ZBTB11: variants seen among roughly 807,000 people sequenced by gnomAD.
ZBTB11 encodes zinc finger and BTB domain-containing protein 11.
ZBTB11 carries 68 observed loss-of-function variants against 113.1 expected under a neutral mutation model. The observed-to-expected ratio is 0.60, with a 90% CI of 0.49 to 0.74. The LOEUF (loss-of-function observed/expected upper bound fraction) is 0.74. ZBTB11 is among the 30% of genes least tolerant of loss of function. ZBTB11 has a pLI of 0.00. For missense variants in ZBTB11, 1,104 were observed against 1,279.4 expected (o/e 0.86, Z 2.09); for synonymous variants, 518 against 452.6 (o/e 1.14, Z -1.83).
intron 6 of ZBTB11, among the ~76,000 whole-genome samples, chr3:101,658,474 G>A (rs979459058): frequency 1.3e-4 from 20 of 151,834 alleles, no homozygotes; most frequent in African/African-American, 4.1e-4. Flanking sequence ...CGCCTGCCTC[G>A]GCCTCCCAAA....
Position 101,659,963 on chromosome 3 carries a change from T to C in ZBTB11, c.1866A>G (p.Lys622=). The change falls in exon 6 of 11, where the codon AAA becomes AAG. Residue 622 remains lysine (K), a synonymous_variant. Transcript: ENST00000312938. ...TGGACGAGGATGAAGAGGGTGCATC[T>C]TTTCTGGTATGACGAATAAGATGTG... is the stretch of plus-strand genomic sequence containing the variant. The part of the protein sequence containing the change: ...LRAHLIRHTR[K]DAPSSSSSNS... 1 of 1,614,236 alleles carries C rather than the reference T, an allele frequency of 6.2e-7. No homozygotes were observed. The highest frequency in any genetic ancestry group is 8.5e-7 in the Non-Finnish European group (1 of 1,180,042).
intron 7 of ZBTB11, 55 bp from the exon 8 acceptor site, chr3:101,654,876 C>A: frequency 4.7e-6 from 7 of 1,487,522 alleles, no homozygotes; most frequent in South Asian, 1.2e-5. Flanking sequence ...CCTCTTTTAA[C>A]AGAATTTTTT....
At chr3:101,660,095 A>G in intron 5 of ZBTB11, 67 bp from the exon 6 acceptor site, 1 of 1,489,454 alleles carries the variant, frequency 6.7e-7, no homozygotes, top group South Asian at 1.2e-5. Flanking sequence ...AACTCAACTC[A>G]TATTTGGACT....
In ZBTB11 at chr3:101,650,422, T is replaced by G. The variant is rs946853588; in HGVS notation, c.*744A>C. On this transcript the variant is annotated 3_prime_UTR_variant, in exon 11 of 11. Coordinates refer to ENST00000312938, the MANE Select transcript of ZBTB11 (RefSeq NM_014415.4). ...TAATAACTGTGTTCTTTTCTCATGG[T>G]CAATTTACTTGCCTTGAAGAAATAG... The G allele has an allele frequency of 6.6e-6, 1 of 152,638 alleles. No individual in the cohort carries two copies. Among genetic ancestry groups the G allele is most frequent in the African/African-American group, 2.4e-5 (1 of 41,462 alleles). The allele number at this position is 152,638 out of a possible 1,614,324, so 9.5% of individuals were successfully genotyped here. A position where few individuals can be genotyped will look rare whatever the true frequency, so the allele number is the denominator to read the frequency against.
chr3:101,672,295 C>T (rs1937097163), intron 1 of ZBTB11, 82 bp from the exon 2 acceptor site: 1 of 869,296 alleles, frequency 1.2e-6, no homozygotes, highest in Non-Finnish European at 1.8e-6. Context: ...CACATTAACA[C>T]ATTTCAGTAC....
intron 3 of ZBTB11, chr3:101,670,705 C>G (rs896456456): frequency 1.2e-5 from 2 of 162,702 alleles, no homozygotes; most frequent in African/African-American, 4.8e-5. Flanking sequence ...CAATGACACA[C>G]CACAGCCTGG....
rs558583414 is a variant in ZBTB11, at chr3:101,659,176, G to A, written c.2046+607C>T. 3.2e-4 allele frequency among the ~76,000 whole-genome samples: 49 copies of A among 152,318 alleles called. 1 individual carries two copies. Among genetic ancestry groups the A allele is most frequent in the African/African-American group, 1.1e-3 (45 of 41,570 alleles). ...ATGGTTTAATCCTCTGGGAGATGGAGGCTGCAGTGAGCTGTGATCATGCTA... is the reference window on the plus strand; with the variant it reads ...ATGGTTTAATCCTCTGGGAGATGGAAGCTGCAGTGAGCTGTGATCATGCTA... On this transcript the variant is annotated intron_variant, in intron 6 of 10. Coordinates refer to ENST00000312938, the MANE Select transcript of ZBTB11 (RefSeq NM_014415.4).
At chr3:101,658,119 G>T (rs2108318080) in intron 6 of ZBTB11, among the ~76,000 whole-genome samples, 1 of 152,252 alleles carries the variant, frequency 6.6e-6, no homozygotes, top group Middle Eastern at 3.4e-3. Context: ...TAAAGAAAAT[G>T]TGGTATAAAT....
chr3:101,668,606 GA>G (rs1393018333), intron 3 of ZBTB11, among the ~76,000 whole-genome samples: 3 of 131,938 alleles, frequency 2.3e-5, no homozygotes, highest in Non-Finnish European at 4.8e-5. Context: ...TAGGGTGACA[GA>G]ATAAGATTCT....
In ZBTB11 at chr3:101,676,477, T is replaced by A. The variant is rs575666609; in HGVS notation, c.310+128A>T. 4.6e-4 allele frequency: 453 copies of A among 990,720 alleles called. 1 individual carries two copies. The African/African-American group carries it at 7.3e-3, about 16-fold the overall frequency. The allele number at this position is 990,720 out of a possible 1,614,324, so 61.4% of individuals were successfully genotyped here. A position where few individuals can be genotyped will look rare whatever the true frequency, so the allele number is the denominator to read the frequency against. On this transcript the variant is annotated intron_variant, in intron 1 of 10. Coordinates refer to ENST00000312938, the MANE Select transcript of ZBTB11 (RefSeq NM_014415.4). ...CGTCCCCCACCCTCTCGGCTCCGCC[T>A]GGCAGCAGCTCCGCCGCCCAGAGGC...
At chr3:101,654,516 G>C (rs966320042) in intron 8 of ZBTB11, among the ~76,000 whole-genome samples, 188 bp downstream of exon 8, 1 of 152,116 alleles carries the variant, frequency 6.6e-6, no homozygotes. Flanking sequence ...CTTTAAATGA[G>C]TGATTTGTAT....
rs1036202984 is a variant in ZBTB11, at chr3:101,664,430, T to C, written c.1800+108A>G. 29 of 1,120,254 alleles carry C rather than the reference T, an allele frequency of 2.6e-5. No individual in the cohort carries two copies. In the South Asian group the frequency reaches 4.7e-4, roughly 18 times the overall value. The allele number at this position is 1,120,254 out of a possible 1,614,324, so 69.4% of individuals were successfully genotyped here. A position where few individuals can be genotyped will look rare whatever the true frequency, so the allele number is the denominator to read the frequency against. Reference sequence around the variant, plus strand: ...CACATTTAAATAAGAAGATGACTCTTATAGCCATATAAGACATAGAATACA... The same window carrying C: ...CACATTTAAATAAGAAGATGACTCTCATAGCCATATAAGACATAGAATACA... On this transcript the variant is annotated intron_variant, in intron 5 of 10. Coordinates refer to ENST00000312938, the MANE Select transcript of ZBTB11 (RefSeq NM_014415.4).
intron 3 of ZBTB11, among the ~76,000 whole-genome samples, chr3:101,668,626 A>G (rs1937034144): frequency 6.6e-6 from 1 of 151,958 alleles, no homozygotes; most frequent in South Asian, 2.1e-4. Flanking sequence ...CTGTCAAAAA[A>G]AAAAAAAAAG....
At chr3:101,675,908 G>C (rs1355601437) in intron 1 of ZBTB11, among the ~76,000 whole-genome samples, 2 of 152,066 alleles carry the variant, frequency 1.3e-5, no homozygotes, top group East Asian at 1.9e-4. Flanking sequence ...CTTGGGGAAC[G>C]AGGCGAGACC....
In ZBTB11 at chr3:101,654,901, TCTCA is replaced by T; in HGVS notation, c.2192-84_2192-81del. The T allele has an allele frequency of 4.7e-6, 5 of 1,067,666 alleles. No homozygotes were observed. In the South Asian group the frequency reaches 6.7e-5, roughly 14 times the overall value. The allele number at this position is 1,067,666 out of a possible 1,614,324, so 66.1% of individuals were successfully genotyped here. ...CAGAATTTTTTTTTTTTGAGTGGCA[TCTCA>T]CTCTGTTGCCCAGGTTGGATGGAGT... is the stretch of plus-strand genomic sequence containing the variant. On this transcript the variant is annotated intron_variant, in intron 7 of 10. Coordinates refer to ENST00000312938, the MANE Select transcript of ZBTB11 (RefSeq NM_014415.4).
rs975611357 is a variant in ZBTB11 at position 101,656,229 on chromosome 3, A to G, written c.2066T>C (p.Ile689Thr). ...ATGTAATTTTAGACCATGCTTATAG[A>G]TAAAAGTCTTTCCACAGACCTAAGA... ...HACQVCGKTF[I>T]YKHGLKLHQS... is the part of the protein sequence containing the mutation. Residue 689 changes from isoleucine to threonine, a missense_variant, in exon 7 of 11, where the codon ATC becomes ACC. This residue lies in a region of ZBTB11 where 535 missense variants were observed against 518.6 expected (regional missense o/e 1.03). Transcript: ENST00000312938. 3 of 1,580,860 alleles carry G rather than the reference A, an allele frequency of 1.9e-6. No individual in the cohort carries two copies. The highest frequency in any genetic ancestry group is 3.7e-5 in the Admixed American group (2 of 54,756).
chr3:101,663,586 G>A (rs574196826), intron 5 of ZBTB11, among the ~76,000 whole-genome samples: 1 of 152,154 alleles, frequency 6.6e-6, no homozygotes, highest in East Asian at 1.9e-4. Context: ...TATATCCTGG[G>A]ACTTGAGTAA....
chr3:101,664,906 A>G, intron 4 of ZBTB11, 58 bp downstream of exon 4: 1 of 1,551,192 alleles, frequency 6.4e-7, no homozygotes, highest in Non-Finnish European at 8.7e-7. Context: ...AAGTTCATCA[A>G]TACAATGCTT....
Position 101,665,476 on chromosome 3 carries a change from A to G in ZBTB11, c.1111T>C (p.Leu371=), listed in dbSNP as rs1322208958. The G allele has an allele frequency of 2.5e-6, 4 of 1,614,156 alleles. No homozygotes were observed. Among genetic ancestry groups the G allele is most frequent in the African/African-American group, 1.3e-5 (1 of 75,028 alleles). Residue 371 remains leucine (L), a synonymous_variant, in exon 4 of 11, where the codon TTG becomes CTG. Transcript: ENST00000312938. ...TCTCCATTCTGCTCAGCTTCTGGCA[A>G]TTCTCCATTTACCAGTAGTACAATT... ...CEIVLLVNGE[L]PEAEQNGEVG...
Sources: allele counts gnomAD v4.1 joint callset (sites outside exome capture counted in the v4.1 genomes callset), GRCh38; gene constraint gnomAD v4.1.1; regional missense constraint gnomAD v4.1.1; transcripts MANE v1.5; gene names NCBI Gene and HGNC (gene_info 2026-07-23, HGNC 2026-07-21).